Variants in CFAP299 observed in about 807,000 individuals in gnomAD.
CFAP299 encodes cilia and flagella associated protein 299, also known as cilia- and flagella-associated protein 299.
CFAP299 carries 21 observed loss-of-function variants against 27.0 expected under a neutral mutation model. That is an observed-to-expected ratio of 0.78 (90% CI 0.55 to 1.12). The LOEUF is 1.12. Among genes scored for constraint, CFAP299 ranks in the 50% most tolerant of loss-of-function variants. The pLI is 0.00. For synonymous variants in CFAP299, 104 were observed against 98.1 expected, an observed-to-expected ratio of 1.06 and a Z score of -0.36; for missense variants, 310 against 276.6, an observed-to-expected ratio of 1.12 and a Z score of -0.86.
At chr4:80,702,819 C>G (rs185455393) in intron 3 of CFAP299, among the ~76,000 whole-genome samples, 1 of 151,896 alleles carries the variant, frequency 6.6e-6, no homozygotes, top group Admixed American at 6.6e-5. Context: ...AAACTCAAAA[C>G]AATTCCAATC....
At chr4:80,654,781 T>C (rs1052606304) in intron 3 of CFAP299, among the ~76,000 whole-genome samples, 4 of 145,606 alleles carry the variant, frequency 2.7e-5, no homozygotes, top group Admixed American at 2.7e-4. Context: ...AGCTAATTTT[T>C]AACTTTTTTT....
intron 2 of CFAP299, among the ~76,000 whole-genome samples, chr4:80,375,653 G>A (rs114860041): frequency 1.9e-3 from 296 of 152,344 alleles, no homozygotes; most frequent in Non-Finnish European, 3.0e-3. Context: ...AAAGTGTGGA[G>A]GCAAGGTTGA....
intron 3 of CFAP299, among the ~76,000 whole-genome samples, chr4:80,767,208 A>G (rs1335847388): frequency 6.6e-6 from 1 of 152,184 alleles, no homozygotes; most frequent in African/African-American, 2.4e-5. Context: ...AGTTTAATTT[A>G]TAAATTAGAC....
intron 3 of CFAP299, among the ~76,000 whole-genome samples, chr4:80,650,290 C>T (rs534349976): frequency 2.0e-5 from 3 of 151,836 alleles, no homozygotes; most frequent in Non-Finnish European, 4.4e-5. Context: ...TTATCCTACT[C>T]TCCAGAAGGT....
intron 1 of CFAP299, among the ~76,000 whole-genome samples, chr4:80,349,703 CAT>C (rs1462447840): frequency 7.9e-5 from 12 of 152,154 alleles, no homozygotes; most frequent in African/African-American, 2.6e-4. Context: ...GAAGAAAAAG[CAT>C]AGATAAAATT....
At chr4:80,551,506 T>C (rs535931786) in intron 2 of CFAP299, among the ~76,000 whole-genome samples, 7 of 152,134 alleles carry the variant, frequency 4.6e-5, no homozygotes, top group Admixed American at 6.6e-5. Flanking sequence ...TATGATAACA[T>C]GTACATTGTT....
At chr4:80,928,112 C>G (rs913090564) in intron 4 of CFAP299, among the ~76,000 whole-genome samples, 2 of 152,090 alleles carry the variant, frequency 1.3e-5, no homozygotes, top group South Asian at 4.1e-4. Context: ...CGTCTCTCCC[C>G]CAGCGTTCTG....
intron 3 of CFAP299, among the ~76,000 whole-genome samples, chr4:80,754,510 C>A (rs1045629100): frequency 6.6e-5 from 10 of 151,444 alleles, no homozygotes; most frequent in African/African-American, 1.7e-4. Flanking sequence ...TCCATTCTTC[C>A]CATTGTAGTA....
intron 3 of CFAP299, among the ~76,000 whole-genome samples, chr4:80,669,149 CTTT>C (rs869091451): frequency 5.3e-4 from 9 of 17,136 alleles, no homozygotes; most frequent in African/African-American, 1.9e-3. Flanking sequence ...TTCTTTCTTT[CTTT>C]TTTTTTTTTT....
intron 3 of CFAP299, among the ~76,000 whole-genome samples, chr4:80,632,450 A>G (rs1470062824): frequency 6.6e-6 from 1 of 152,162 alleles, no homozygotes; most frequent in Admixed American, 6.6e-5. Context: ...ATCTACATTT[A>G]TTCAGCATCT....
At chr4:80,377,545 CTT>C (rs35596655) in intron 2 of CFAP299, among the ~76,000 whole-genome samples, 4 of 148,072 alleles carry the variant, frequency 2.7e-5, no homozygotes, top group East Asian at 2.0e-4. Context: ...AGTCCTCAAA[CTT>C]TTTTTTTTTA....
chr4:80,442,766 G>A (rs1388053817), intron 2 of CFAP299, among the ~76,000 whole-genome samples: 1 of 152,034 alleles, frequency 6.6e-6, no homozygotes, highest in Admixed American at 6.5e-5. Context: ...TTTTTGAAAA[G>A]ATTAACAAAA....
intron 3 of CFAP299, among the ~76,000 whole-genome samples, chr4:80,590,773 A>G (rs1736694036): frequency 6.6e-6 from 1 of 152,202 alleles, no homozygotes; most frequent in African/African-American, 2.4e-5. Context: ...TAAAAACTGT[A>G]TAGTACACAT....
chr4:80,856,648 T>C (rs1161141238), intron 3 of CFAP299, among the ~76,000 whole-genome samples: 1 of 152,200 alleles, frequency 6.6e-6, no homozygotes, highest in Admixed American at 6.5e-5. Context: ...CAGCACCATT[T>C]ACTAAATAGG....
chr4:80,918,938 T>G (rs1735900815), intron 4 of CFAP299, among the ~76,000 whole-genome samples: 1 of 152,104 alleles, frequency 6.6e-6, no homozygotes, highest in Non-Finnish European at 1.5e-5. Flanking sequence ...TTGAAAGATC[T>G]GTAGACTGTG....
At chr4:80,445,445 A>C (rs1728574003) in intron 2 of CFAP299, among the ~76,000 whole-genome samples, 1 of 152,194 alleles carries the variant, frequency 6.6e-6, no homozygotes. Flanking sequence ...AACACCACAT[A>C]TTCTCACTTA....
At chr4:80,443,933 C>T (rs1728489079) in intron 2 of CFAP299, among the ~76,000 whole-genome samples, 1 of 151,998 alleles carries the variant, frequency 6.6e-6, no homozygotes, top group Admixed American at 6.6e-5. Context: ...TTCATAATTG[C>T]TACAAAGAGA....
At chr4:80,435,657 A>G (rs1434544682) in intron 2 of CFAP299, among the ~76,000 whole-genome samples, 1 of 152,224 alleles carries the variant, frequency 6.6e-6, no homozygotes, top group East Asian at 1.9e-4. Context: ...AGCACCTTGC[A>G]GAGGGTTGAG....
intron 2 of CFAP299, among the ~76,000 whole-genome samples, chr4:80,515,472 A>C (rs1732537532): frequency 6.6e-6 from 1 of 152,222 alleles, no homozygotes; most frequent in African/African-American, 2.4e-5. Context: ...ACTTAGCAGC[A>C]TTCAGAATAT....
Sources: allele counts gnomAD v4.1 joint callset (sites outside exome capture counted in the v4.1 genomes callset), GRCh38; gene constraint gnomAD v4.1.1; transcripts MANE v1.5; gene names NCBI Gene and HGNC (gene_info 2026-07-23, HGNC 2026-07-21).